The following CTNND2 variants were observed in gnomAD, a reference collection of about 807,000 sequenced individuals.
CTNND2 encodes catenin delta 2.
Under a neutral mutation model 144.4 loss-of-function variants are expected in CTNND2, and 22 were observed. The observed-to-expected ratio is 0.15, with a 90% CI of 0.11 to 0.22. The LOEUF is 0.22. CTNND2 is among the 10% of genes least tolerant of loss of function. The probability of loss-of-function intolerance (pLI) is 1.00; values close to 1 mark genes in which losing one functional copy is unlikely to be tolerated. For missense variants in CTNND2, 1,353 were observed against 1,618.8 expected (o/e 0.84, Z 2.82); for synonymous variants, 751 against 695.6 (o/e 1.08, Z -1.25).
intron 2 of CTNND2, among the ~76,000 whole-genome samples, chr5:11,648,835 T>C (rs1484158076): frequency 5.3e-5 from 8 of 152,190 alleles, no homozygotes; most frequent in Non-Finnish European, 8.8e-5. Flanking sequence ...CTTAAAATGG[T>C]ACTGATAGAG....
At chr5:11,110,252 AGG>A (rs1158755655) in intron 14 of CTNND2, among the ~76,000 whole-genome samples, 1 of 152,112 alleles carries the variant, frequency 6.6e-6, no homozygotes, top group Non-Finnish European at 1.5e-5. Context: ...GCAGCAGGTG[AGG>A]GCCATTCTGT....
intron 12 of CTNND2, among the ~76,000 whole-genome samples, chr5:11,123,474 A>G (rs970041896): frequency 6.6e-6 from 1 of 152,158 alleles, no homozygotes; most frequent in African/African-American, 2.4e-5. Flanking sequence ...TAACCATCCC[A>G]CAATGCTCAG....
rs147851136 is a variant in CTNND2, at chr5:11,134,666, G to A, written c.2160-17099C>T. Among the ~76,000 whole-genome samples, 321 of 152,272 alleles carry A rather than the reference G, an allele frequency of 2.1e-3. 1 individual carries two copies. Among genetic ancestry groups the A allele is most frequent in the African/African-American group, 7.3e-3 (302 of 41,556 alleles). On this transcript the variant is annotated intron_variant, in intron 12 of 21. Coordinates refer to ENST00000304623, the MANE Select transcript of CTNND2 (RefSeq NM_001332.4). ...TTTCACAGGCTCTGAATGACAAGAC[G>A]AGATGTAGTCATTAAGATTTTTAGA...
chr5:11,430,787 A>G (rs1323758546), intron 3 of CTNND2, among the ~76,000 whole-genome samples: 1 of 152,240 alleles, frequency 6.6e-6, no homozygotes, highest in East Asian at 1.9e-4. Flanking sequence ...TAGAGAACAG[A>G]AATGCCAGTA....
chr5:10,987,497 C>A (rs2149493369), intron 20 of CTNND2, among the ~76,000 whole-genome samples: 1 of 152,270 alleles, frequency 6.6e-6, no homozygotes, highest in South Asian at 2.1e-4. Context: ...AATGCCTCCC[C>A]AGGGAATCTG....
chr5:11,059,763 A>T (rs1746734721), intron 16 of CTNND2, among the ~76,000 whole-genome samples: 1 of 152,218 alleles, frequency 6.6e-6, no homozygotes, highest in Non-Finnish European at 1.5e-5. Flanking sequence ...ATATAAGATT[A>T]AAAAATCATT....
chr5:11,677,358 C>T lies in CTNND2; in HGVS notation c.174+54778G>A, dbSNP rs145158017. ...TTTCTGGTCTAGAAATACTATCTGC[C>T]CCTGAGTAGAGCTCCTGGAACCTCT... On this transcript the variant is annotated intron_variant, in intron 2 of 21. Coordinates refer to ENST00000304623, the MANE Select transcript of CTNND2 (RefSeq NM_001332.4). Among the ~76,000 whole-genome samples, 644 of 152,258 alleles carry T rather than the reference C, an allele frequency of 4.2e-3. 5 individuals carry two copies. The highest frequency in any genetic ancestry group is 0.015 in the African/African-American group (613 of 41,554).
At chr5:11,614,503 G>T (rs1038550501) in intron 2 of CTNND2, among the ~76,000 whole-genome samples, 2 of 152,208 alleles carry the variant, frequency 1.3e-5, no homozygotes, top group African/African-American at 4.8e-5. Context: ...TTTGGCATTA[G>T]CGTATTAAGA....
chr5:11,373,257 T>C (rs1757624150), intron 7 of CTNND2, among the ~76,000 whole-genome samples: 1 of 152,160 alleles, frequency 6.6e-6, no homozygotes, highest in Non-Finnish European at 1.5e-5. Flanking sequence ...GGTGGACTTT[T>C]TTTAAGACAG....
chr5:11,230,368 T>A (rs965486611), intron 10 of CTNND2, among the ~76,000 whole-genome samples: 2 of 150,108 alleles, frequency 1.3e-5, no homozygotes, highest in Non-Finnish European at 1.5e-5. Flanking sequence ...AAAGTATAAT[T>A]AAAAAAAAAA....
At chr5:11,671,556 G>C (rs1054749286) in intron 2 of CTNND2, among the ~76,000 whole-genome samples, 1 of 151,076 alleles carries the variant, frequency 6.6e-6, no homozygotes, top group Non-Finnish European at 1.5e-5. Flanking sequence ...CCTTTCTTCT[G>C]CTTGATTGAT....
chr5:11,160,433 G>A (rs1345392353), intron 11 of CTNND2, among the ~76,000 whole-genome samples: 1 of 152,222 alleles, frequency 6.6e-6, no homozygotes, highest in Non-Finnish European at 1.5e-5. Flanking sequence ...AGTAATTCAT[G>A]CAGGCAGAGC....
At chr5:11,828,697 T>C (rs540282099) in intron 1 of CTNND2, among the ~76,000 whole-genome samples, 1 of 152,260 alleles carries the variant, frequency 6.6e-6, no homozygotes, top group South Asian at 2.1e-4. Context: ...TTGCAAAAAT[T>C]ACCCAGTCTC....
intron 16 of CTNND2, among the ~76,000 whole-genome samples, chr5:11,058,898 C>T (rs1450887401): frequency 6.6e-6 from 1 of 152,206 alleles, no homozygotes; most frequent in African/African-American, 2.4e-5. Context: ...TTGACTTCCA[C>T]ACTGGATTTC....
intron 16 of CTNND2, among the ~76,000 whole-genome samples, chr5:11,081,294 A>C (rs1353517498): frequency 6.6e-6 from 1 of 152,210 alleles, no homozygotes; most frequent in African/African-American, 2.4e-5. Flanking sequence ...TTTATATTTC[A>C]AAATTGCTAA....
At chr5:11,881,010 CACT>C (rs1198648229) in intron 1 of CTNND2, among the ~76,000 whole-genome samples, 42 of 146,938 alleles carry the variant, frequency 2.9e-4, no homozygotes, top group African/African-American at 8.7e-4. Context: ...CTACTACCAC[CACT>C]ACTACTACCA....
chr5:11,142,122 G>C (rs767449990), intron 12 of CTNND2, among the ~76,000 whole-genome samples: 5 of 152,216 alleles, frequency 3.3e-5, no homozygotes, highest in Non-Finnish European at 7.4e-5. Context: ...ATAAATCTCT[G>C]TTCTTTATAA....
intron 2 of CTNND2, among the ~76,000 whole-genome samples, chr5:11,608,961 G>A (rs1308377816): frequency 1.3e-5 from 2 of 152,124 alleles, no homozygotes; most frequent in East Asian, 1.9e-4. Flanking sequence ...CTAAGCCCCA[G>A]CCATATGGCA....
At chr5:11,187,887 C>T (rs1384734886) in intron 11 of CTNND2, among the ~76,000 whole-genome samples, 1 of 152,156 alleles carries the variant, frequency 6.6e-6, no homozygotes, top group Non-Finnish European at 1.5e-5. Flanking sequence ...AAATGCACAT[C>T]AAAACCACAA....
Sources: gnomAD v4.1 joint callset for allele counts (sites outside exome capture counted in the v4.1 genomes callset) on GRCh38, gnomAD v4.1.1 for gene constraint, MANE v1.5 for transcripts, NCBI Gene and HGNC (gene_info 2026-07-23, HGNC 2026-07-21) for gene names.